Variants in FOXP2 observed in about 807,000 individuals in gnomAD.
The protein encoded by FOXP2 is forkhead box P2, also known as forkhead box protein P2.
FOXP2 carries 12 observed loss-of-function variants against 115.8 expected under a neutral mutation model. The ratio of observed to expected loss-of-function variants is 0.10; its 90% CI spans 0.07 to 0.17. The LOEUF is 0.17. FOXP2 is among the 10% of genes least tolerant of loss of function. FOXP2 has a pLI of 1.00. For missense variants in FOXP2, 629 were observed against 843.5 expected, an observed-to-expected ratio of 0.75 and a Z score of 3.15; for synonymous variants, 328 against 297.7, an observed-to-expected ratio of 1.10 and a Z score of -1.05.
chr7:114,376,689 G>T lies in FOXP2; in HGVS notation c.-10-49813G>T, dbSNP rs542786386. 1.6e-3 allele frequency among the ~76,000 whole-genome samples: 239 copies of T among 152,300 alleles called. 1 individual carries two copies. The highest frequency in any genetic ancestry group is 2.2e-3 in the Non-Finnish European group (148 of 68,028). On this transcript the variant is annotated intron_variant, in intron 2 of 17. Transcript: ENST00000634411. ...GTAACTGAGGAGATGGACAGGATGC[G>T]TGCAGGAAAATCAGAGATTCCATTC...
chr7:114,515,330 AC>A (rs1322026050), intron 2 of FOXP2, among the ~76,000 whole-genome samples: 1 of 151,446 alleles, frequency 6.6e-6, no homozygotes, highest in Non-Finnish European at 1.5e-5. Flanking sequence ...TTACAGTCCC[AC>A]CAACAGTGTA....
At chr7:114,506,057 A>G (rs1797804911) in intron 2 of FOXP2, among the ~76,000 whole-genome samples, 1 of 151,660 alleles carries the variant, frequency 6.6e-6, no homozygotes, top group African/African-American at 2.4e-5. Flanking sequence ...AAAAGCTAAT[A>G]CCAGTCAGAT....
In FOXP2 at chr7:114,342,250, T is replaced by C. The variant is rs550675930; in HGVS notation, c.-11+54141T>C. Among the ~76,000 whole-genome samples the C allele has an allele frequency of 7.3e-5, 11 of 151,456 alleles. No homozygotes were observed. In the South Asian group the frequency reaches 1.7e-3, roughly 23 times the overall value. On this transcript the variant is annotated intron_variant, in intron 2 of 17. Coordinates refer to the FOXP2 transcript ENST00000634411. ...ACTTTCAGTGGTTTTAAATGTAAAT[T>C]ATTATATAAGTAATACAAAATCATC...
At chr7:114,223,116 C>G (rs1380510451) in intron 1 of FOXP2, among the ~76,000 whole-genome samples, 1 of 152,068 alleles carries the variant, frequency 6.6e-6, no homozygotes, top group African/African-American at 2.4e-5. Flanking sequence ...TCCCTGGGGC[C>G]TTTCCTTAGG....
At chr7:114,338,622 T>C (rs903878690) in intron 2 of FOXP2, among the ~76,000 whole-genome samples, 23 of 151,160 alleles carry the variant, frequency 1.5e-4, no homozygotes, top group African/African-American at 5.3e-4. Flanking sequence ...AATAAGTAAA[T>C]GTCAGATTAA....
At chr7:114,214,171 T>G (rs1794429035) in intron 1 of FOXP2, among the ~76,000 whole-genome samples, 1 of 152,226 alleles carries the variant, frequency 6.6e-6, no homozygotes, top group Non-Finnish European at 1.5e-5. Flanking sequence ...GTTGTTCACT[T>G]ACTCTTCATG....
chr7:114,112,919 G>A (rs889487430), intron 1 of FOXP2, among the ~76,000 whole-genome samples: 58 of 152,178 alleles, frequency 3.8e-4, no homozygotes, highest in African/African-American at 1.3e-3. Flanking sequence ...ATTTCATCCG[G>A]TTGTCTTCAT....
At chr7:114,574,209 A>G (rs1476410491) in intron 3 of FOXP2, among the ~76,000 whole-genome samples, 6 of 151,944 alleles carry the variant, frequency 3.9e-5, no homozygotes, top group Non-Finnish European at 2.9e-5. Flanking sequence ...GTATTTGAAG[A>G]AATATTTGGG....
chr7:114,419,748 C>CACACACACACACACACACACACACACA (rs1293473534), intron 1 of FOXP2: 133 of 145,368 alleles, frequency 9.1e-4, no homozygotes, highest in African/African-American at 3.2e-3. Context: ...ACACACACAC[C>CACACACACACACACACACACACACACA]CCAGAAAGGA....
At chr7:114,103,527 A>G (rs995413366) in intron 1 of FOXP2, among the ~76,000 whole-genome samples, 1 of 152,022 alleles carries the variant, frequency 6.6e-6, no homozygotes, top group African/African-American at 2.4e-5. Context: ...AGATTACACA[A>G]TTTCAGCTGG....
intron 1 of FOXP2, among the ~76,000 whole-genome samples, chr7:114,128,994 C>A (rs944561033): frequency 6.6e-6 from 1 of 152,140 alleles, no homozygotes; most frequent in African/African-American, 2.4e-5. Flanking sequence ...CCTTTGGCTG[C>A]AATACCTTGG....
chr7:114,111,545 C>A (rs369062327), intron 1 of FOXP2, among the ~76,000 whole-genome samples: 69 of 152,216 alleles, frequency 4.5e-4, no homozygotes, highest in African/African-American at 1.6e-3. Context: ...CATAAGGGAA[C>A]TTATCCAGCT....
At chr7:114,465,494 C>A (rs747821354) in intron 2 of FOXP2, among the ~76,000 whole-genome samples, 8 of 151,978 alleles carry the variant, frequency 5.3e-5, no homozygotes, top group Non-Finnish European at 1.0e-4. Flanking sequence ...AAAATGAGAA[C>A]CAATAAAGTC....
chr7:114,419,655 A>G (rs1193894944), intron 1 of FOXP2, among the ~76,000 whole-genome samples: 1 of 151,708 alleles, frequency 6.6e-6, no homozygotes, highest in African/African-American at 2.4e-5. Context: ...TAACGTATAA[A>G]CTATTTTGAA....
intron 1 of FOXP2, among the ~76,000 whole-genome samples, chr7:114,088,658 T>C (rs1021655938): frequency 3.3e-5 from 5 of 152,190 alleles, no homozygotes; most frequent in African/African-American, 1.2e-4. Context: ...AAGATGAGCT[T>C]TCAGTTATTT....
intron 1 of FOXP2, among the ~76,000 whole-genome samples, chr7:114,203,017 TA>T (rs1439831367): frequency 1.3e-5 from 2 of 152,210 alleles, no homozygotes. Context: ...AATTTACAAA[TA>T]AAAATAAAGA....
intron 5 of FOXP2, 63 bp downstream of exon 5, chr7:114,630,068 A>C: frequency 6.2e-7 from 1 of 1,600,810 alleles, no homozygotes; most frequent in South Asian, 1.1e-5. Context: ...TTTGAGCGGC[A>C]AGAATAGTCT....
chr7:114,131,485 AT>A (rs918430700), intron 1 of FOXP2, among the ~76,000 whole-genome samples: 1 of 151,880 alleles, frequency 6.6e-6, no homozygotes. Flanking sequence ...AATGTTAGTG[AT>A]TTTTTTTACC....
chr7:114,645,548 C>A (rs1373789460), intron 8 of FOXP2: 1 of 152,026 alleles, frequency 6.6e-6, no homozygotes, highest in African/African-American at 2.4e-5. Context: ...TACAAGAGAT[C>A]TAAACAGAGA....
Sources: allele counts gnomAD v4.1 joint callset (sites outside exome capture counted in the v4.1 genomes callset), GRCh38; gene constraint gnomAD v4.1.1; transcripts MANE v1.5; gene names NCBI Gene and HGNC (gene_info 2026-07-23, HGNC 2026-07-21).